Variants in ITFG2 observed in about 807,000 individuals in gnomAD.
The protein encoded by ITFG2 is KICSTOR complex protein ITFG2.
In ITFG2, 36 loss-of-function variants were observed where a neutral mutation model predicts 54.4. The ratio of observed to expected loss-of-function variants is 0.66; its 90% CI spans 0.51 to 0.87. The LOEUF (loss-of-function observed/expected upper bound fraction) is 0.87. Ranked by LOEUF, ITFG2 falls within the 40% of genes least tolerant of loss-of-function variation. ITFG2 has a pLI of 0.00. For missense variants in ITFG2, 524 were observed against 576.7 expected, an observed-to-expected ratio of 0.91 and a Z score of 0.94; for synonymous variants, 211 against 225.4, an observed-to-expected ratio of 0.94 and a Z score of 0.57.
intron 2 of ITFG2, 76 bp downstream of exon 2, chr12:2,817,394 CA>C: frequency 1.9e-5 from 18 of 952,858 alleles, no homozygotes; most frequent in Non-Finnish European, 2.6e-5. Context: ...GTGAGCCCCA[CA>C]CAGGTGCTCA....
chr12:2,823,824 T>C lies in ITFG2; in HGVS notation c.1121T>C (p.Phe374Ser). 1.9e-6 allele frequency: 3 copies of C among 1,608,424 alleles called. No individual in the cohort carries two copies. Among genetic ancestry groups the C allele is most frequent in the Non-Finnish European group, 2.5e-6 (3 of 1,176,808 alleles). ...AGCCCCTGCCTCGTATATGTCACTT[T>C]CAACCAGAAGATCTATGTGTACTGG... ...RNSPCLVYVTFNQKIYVYWEV... is the reference protein window; with the variant it reads ...RNSPCLVYVTSNQKIYVYWEV... Residue 374 changes from phenylalanine to serine, a missense_variant, in exon 11 of 12, where the codon TTC (phenylalanine) becomes TCC (serine). Coordinates refer to ENST00000228799, the MANE Select transcript of ITFG2 (RefSeq NM_018463.4).
downstream of ITFG2, chr12:2,827,711 G>C (rs1565425302): frequency 1.2e-6 from 2 of 1,613,440 alleles, no homozygotes; most frequent in Admixed American, 3.3e-5. The surrounding 1 kb of genome is among the most constrained non-coding windows in gnomAD (Gnocchi z 4.0). Flanking sequence ...AAGAGGCTGA[G>C]GGTTCCCAGT....
rs184880274 is a variant in ITFG2, at chr12:2,841,939, G to A, written n.300+944G>A. ...TCACCATGTTGGCCAGGATGGTCTC[G>A]ATCTCCTGACCTCGTGATCCACCCC... is the stretch of plus-strand genomic sequence containing the variant. On this transcript the variant is annotated intron_variant and non_coding_transcript_variant, in intron 2 of 3. Transcript: ENST00000537710. 1.7e-3 allele frequency among the ~76,000 whole-genome samples: 254 copies of A among 151,450 alleles called. 1 individual carries two copies. Among genetic ancestry groups the A allele is most frequent in the African/African-American group, 5.8e-3 (240 of 41,284 alleles).
intron 2 of ITFG2, among the ~76,000 whole-genome samples, chr12:2,846,725 C>T (rs1028417112): frequency 6.6e-6 from 1 of 151,742 alleles, no homozygotes; most frequent in Admixed American, 6.6e-5. Flanking sequence ...TCAGGAAACG[C>T]TCCTTCACCC....
intron 2 of ITFG2, 168 bp from the exon 3 acceptor site, chr12:2,817,741 C>T: frequency 1.6e-6 from 1 of 625,114 alleles, no homozygotes; most frequent in Non-Finnish European, 2.7e-6. Flanking sequence ...TAAACCAAAC[C>T]TACAGCACAG....
At chr12:2,827,050 C>T (rs1329823384), downstream of ITFG2, 9 of 1,466,852 alleles carry the variant, frequency 6.1e-6, no homozygotes, top group African/African-American at 1.4e-5. This position sits in a 1 kb window ranked among gnomAD's most constrained non-coding sequence, Gnocchi z 4.0. Flanking sequence ...GAGAGGAATG[C>T]GGCCAGCTGG....
chr12:2,834,260 C>T (rs569748681), upstream of ITFG2, among the ~76,000 whole-genome samples: 7 of 152,240 alleles, frequency 4.6e-5, no homozygotes, highest in Middle Eastern at 3.4e-3. Context: ...ACCTGTGGTT[C>T]GGGGGAAGCA....
At chr12:2,814,016 T>G (rs979671387) in intron 1 of ITFG2, among the ~76,000 whole-genome samples, 1 of 152,218 alleles carries the variant, frequency 6.6e-6, no homozygotes, top group African/African-American at 2.4e-5. Flanking sequence ...CAATCGTAGC[T>G]CACTGCAGCC....
chr12:2,828,549 T>C, downstream of ITFG2: 1 of 737,892 alleles, frequency 1.4e-6, no homozygotes. Flanking sequence ...TAAAACTGGC[T>C]TTTATCGGGG....
chr12:2,828,308 T>C (rs370593090), downstream of ITFG2: 20 of 1,606,980 alleles, frequency 1.2e-5, no homozygotes, highest in African/African-American at 2.7e-4. Context: ...GTCCCCCACT[T>C]GCTTGTTTGG....
intron 10 of ITFG2, among the ~76,000 whole-genome samples, chr12:2,823,226 T>C (rs2097951670): frequency 6.6e-6 from 1 of 152,246 alleles, no homozygotes; most frequent in African/African-American, 2.4e-5. Context: ...AAGAATGGAA[T>C]GAGTTTCTGT....
chr12:2,858,714 C>T (rs1351087498), intron 3 of ITFG2: 2 of 1,614,216 alleles, frequency 1.2e-6, no homozygotes, highest in Admixed American at 3.3e-5. Flanking sequence ...GCCAGGAAAG[C>T]TGATGTCCAG....
At position 2,817,298 on chromosome 12, in the gene ITFG2, A is replaced by C; in HGVS notation, c.172A>C (p.Thr58Pro). 1 of 1,613,368 alleles carries C rather than the reference A, an allele frequency of 6.2e-7. No individual in the cohort carries two copies. The highest frequency in any genetic ancestry group is 1.1e-5 in the South Asian group (1 of 90,966). Residue 58 changes from threonine (T) to proline (P), a missense_variant, in exon 2 of 12, where the codon ACC (threonine) becomes CCC (proline). Thr to Pro is a conservative substitution (Grantham distance 38, BLOSUM62 -1). Transcript: ENST00000228799. ...YKNDDSRPWL[T>P]CSCQGMLTCV... Reference sequence around the variant, plus strand: ...AAATGATGACAGTCGGCCATGGCTCACCTGTTCCTGCCAGGGAATGGTCAG... The same window carrying C: ...AAATGATGACAGTCGGCCATGGCTCCCCTGTTCCTGCCAGGGAATGGTCAG...
chr12:2,822,866 G>A lies in ITFG2; in HGVS notation c.1021G>A (p.Val341Ile), dbSNP rs374994927. ...QTYIIDHNRTVVRFQVDENIR... is the reference protein window; with the variant it reads ...QTYIIDHNRTIVRFQVDENIR... Reference sequence around the variant, plus strand: ...ATATATCATTGATCACAACCGCACCGTCGTCCGCTTCCAAGTGGATGAAAA... The same window carrying A: ...ATATATCATTGATCACAACCGCACCATCGTCCGCTTCCAAGTGGATGAAAA... The change falls in exon 10 of 12, where the codon GTC (valine) becomes ATC (isoleucine). Residue 341 changes from valine (V) to isoleucine (I), a missense_variant. By Grantham distance (29) the Val-to-Ile change is conservative. Transcript: ENST00000228799. 31 of 1,614,010 alleles carry A rather than the reference G, an allele frequency of 1.9e-5. No homozygotes were observed. The highest frequency in any genetic ancestry group is 1.5e-4 in the Admixed American group (9 of 59,988).
At chr12:2,858,383 CT>C in intron 3 of ITFG2, 1 of 473,612 alleles carries the variant, frequency 2.1e-6, no homozygotes, top group South Asian at 3.7e-5. Context: ...TTCCTAATCT[CT>C]TTTCACCATT....
Position 2,824,100 on chromosome 12 carries a change from C to T in ITFG2, c.1251C>T (p.Asp417=). 1 of 1,614,116 alleles carries T rather than the reference C, an allele frequency of 6.2e-7. No individual in the cohort carries two copies. The highest frequency in any genetic ancestry group is 1.7e-5 in the Admixed American group (1 of 60,008). Residue 417 remains aspartate, a synonymous_variant, in exon 12 of 12, where the codon GAC becomes GAT. Coordinates refer to ENST00000228799, the MANE Select transcript of ITFG2 (RefSeq NM_018463.4). ...LLQELGVDPD[D]LPVTRALLHQ... ...CTTCTTGGCTCTCAGATCCTGACGA[C>T]CTCCCTGTGACTCGTGCCCTGCTTC...
chr12:2,812,718 A>G lies in ITFG2; in HGVS notation c.-43A>G, dbSNP rs967157174. 53 of 1,545,518 alleles carry G rather than the reference A, an allele frequency of 3.4e-5. No individual in the cohort carries two copies. Among genetic ancestry groups the G allele is most frequent in the Non-Finnish European group, 4.5e-5 (50 of 1,120,676 alleles). ...GGCTGTCGCGACGGGGGTTCAGGGAATATTTACTGGGCCTCTCCGCTCCCT... is the reference window on the plus strand; with the variant it reads ...GGCTGTCGCGACGGGGGTTCAGGGAGTATTTACTGGGCCTCTCCGCTCCCT... On this transcript the variant is annotated 5_prime_UTR_variant, in exon 1 of 12. Transcript: ENST00000228799.
Position 2,820,736 on chromosome 12 carries a change from T to C in ITFG2, c.559T>C (p.Ser187Pro). 1.2e-6 allele frequency: 2 copies of C among 1,608,388 alleles called. No homozygotes were observed. Among genetic ancestry groups the C allele is most frequent in the South Asian group, 2.2e-5 (2 of 90,994 alleles). Residue 187 changes from serine to proline, a missense_variant, in exon 6 of 12, where the codon TCA becomes CCA. By Grantham distance (74) the Ser-to-Pro change is moderately conservative (BLOSUM62 -1). Coordinates refer to ENST00000228799, the MANE Select transcript of ITFG2 (RefSeq NM_018463.4). ...WMLEGQVDSL[S>P]VTLGPLGLPE... Reference sequence around the variant, plus strand: ...TTCCCTGGTGCAGGTGGACAGCCTCTCAGTGACTCTGGGGCCACTGGGTCT... The same window carrying C: ...TTCCCTGGTGCAGGTGGACAGCCTCCCAGTGACTCTGGGGCCACTGGGTCT...
At chr12:2,815,177 T>A (rs1419094703) in intron 1 of ITFG2, among the ~76,000 whole-genome samples, 1 of 152,176 alleles carries the variant, frequency 6.6e-6, no homozygotes, top group African/African-American at 2.4e-5. Flanking sequence ...TCCAATTTGT[T>A]TCTAACTTTT....
Sources: gnomAD v4.1 joint callset for allele counts (sites outside exome capture counted in the v4.1 genomes callset) on GRCh38, gnomAD v4.1.1 for gene constraint, Gnocchi (gnomAD v3.1) non-coding constraint, MANE v1.5 for transcripts, NCBI Gene and HGNC (gene_info 2026-07-23, HGNC 2026-07-21) for gene names.